Variants in GRIK4 observed in about 807,000 individuals in gnomAD.
GRIK4 encodes glutamate receptor ionotropic, kainate 4.
Under a neutral mutation model 104.9 loss-of-function variants are expected in GRIK4, and 40 were observed. The observed-to-expected ratio is 0.38, with a 90% CI of 0.30 to 0.50. The LOEUF (loss-of-function observed/expected upper bound fraction) is 0.50, where lower values mean the gene tolerates loss of function less well. Among genes scored for constraint, GRIK4 ranks in the 20% least tolerant of loss-of-function variants. The pLI is 0.93. For synonymous variants in GRIK4, 485 were observed against 524.9 expected, an observed-to-expected ratio of 0.92 and a Z score of 1.04; for missense variants, 1,047 against 1,308.1, an observed-to-expected ratio of 0.80 and a Z score of 3.08.
intron 14 of GRIK4, among the ~76,000 whole-genome samples, chr11:120,950,046 A>G (rs1240669298): frequency 6.6e-6 from 1 of 152,230 alleles, no homozygotes; most frequent in African/African-American, 2.4e-5. Flanking sequence ...TTGGGAAGAA[A>G]GTGATCTAAA....
chr11:120,643,949 C>A (rs77413760), intron 1 of GRIK4, among the ~76,000 whole-genome samples: 7,298 of 151,494 alleles, frequency 0.048, 504 homozygotes, highest in African/African-American at 0.16. Context: ...AGTAATTATC[C>A]AGTCTAACAA....
At position 120,967,457 on chromosome 11, in the gene GRIK4, A is replaced by G; in HGVS notation, c.2395+134A>G. The G allele has an allele frequency of 1.1e-6, 1 of 906,196 alleles. No homozygotes were observed. The allele number at this position is 906,196 out of a possible 1,614,324, so 56.1% of individuals were successfully genotyped here. On this transcript the variant is annotated intron_variant, in intron 19 of 20. Coordinates refer to ENST00000527524, the MANE Select transcript of GRIK4 (RefSeq NM_014619.5). The surrounding 1 kb of genome is among the most constrained non-coding windows in gnomAD (Gnocchi z 4.2). ...GGCCTTGGAAGGAACCTAGGTATAA[A>G]GTGGGCTGGCGGGGGATCAGGTCTG...
chr11:120,906,509 C>T lies in GRIK4; in HGVS notation c.1476+1016C>T, dbSNP rs541930563. On this transcript the variant is annotated intron_variant, in intron 13 of 20. Transcript: ENST00000527524. ...AGCCCAGAAAGCTTGAGTGACTTGT[C>T]GGGAGCTATACTGTTAGCATGAGGC... Among the ~76,000 whole-genome samples, 6 of 152,316 alleles carry T rather than the reference C, an allele frequency of 3.9e-5. No individual in the cohort carries two copies. The South Asian group carries it at 1.0e-3, about 26-fold the overall frequency.
intron 1 of GRIK4, among the ~76,000 whole-genome samples, chr11:120,530,191 A>G (rs1261043033): frequency 6.6e-6 from 1 of 152,266 alleles, no homozygotes; most frequent in Non-Finnish European, 1.5e-5. Context: ...TGTAGGGCTA[A>G]TTCAAGTGCA....
At chr11:120,825,711 A>G (rs995423811) in intron 6 of GRIK4, among the ~76,000 whole-genome samples, 6 of 152,240 alleles carry the variant, frequency 3.9e-5, no homozygotes, top group Non-Finnish European at 8.8e-5. Flanking sequence ...TGTGACACGG[A>G]GCAGGTCAAT....
chr11:120,688,492 A>C (rs1950307891), intron 3 of GRIK4, among the ~76,000 whole-genome samples: 1 of 152,158 alleles, frequency 6.6e-6, no homozygotes, highest in Non-Finnish European at 1.5e-5. Context: ...AGGGAAATGG[A>C]TGGGAGTGTA....
intron 3 of GRIK4, among the ~76,000 whole-genome samples, chr11:120,798,912 G>A (rs1421059573): frequency 1.3e-5 from 2 of 152,128 alleles, no homozygotes; most frequent in Non-Finnish European, 2.9e-5. Context: ...TATGAATTTG[G>A]TGGGACCTGC....
chr11:120,552,028 ATAAG>A (rs768681816), intron 1 of GRIK4, among the ~76,000 whole-genome samples: 7 of 152,214 alleles, frequency 4.6e-5, no homozygotes, highest in East Asian at 3.9e-4. Flanking sequence ...AACTGTAAAC[ATAAG>A]TAAGTGTTTC....
chr11:120,615,457 C>T (rs1362588252), intron 1 of GRIK4, among the ~76,000 whole-genome samples: 1 of 152,230 alleles, frequency 6.6e-6, no homozygotes, highest in Non-Finnish European at 1.5e-5. Flanking sequence ...TGGATGGAAG[C>T]TGCCTTTAAG....
At chr11:120,563,813 C>T (rs1459842378) in intron 1 of GRIK4, among the ~76,000 whole-genome samples, 1 of 152,242 alleles carries the variant, frequency 6.6e-6, no homozygotes, top group East Asian at 1.9e-4. Flanking sequence ...GAATCTCCAC[C>T]TGCTGTTTCA....
rs527265685 is a variant in GRIK4 at position 120,704,736 on chromosome 11, T to G, written c.82+44336T>G. Reference sequence around the variant, plus strand: ...TATTGTACAACATAACTCTGCAAACTTTTTTTTTTTTTTGTAAAGGACCAA... The same window carrying G: ...TATTGTACAACATAACTCTGCAAACGTTTTTTTTTTTTTGTAAAGGACCAA... On this transcript the variant is annotated intron_variant, in intron 3 of 20. Coordinates refer to ENST00000527524, the MANE Select transcript of GRIK4 (RefSeq NM_014619.5). 1.4e-4 allele frequency among the ~76,000 whole-genome samples: 19 copies of G among 136,994 alleles called. 1 individual carries two copies. In the South Asian group the frequency reaches 4.3e-3, roughly 31 times the overall value. 89.9% of individuals were successfully genotyped at this position (136,994 alleles called of 152,430 possible).
rs1453723869 is a variant in GRIK4, at chr11:120,530,374, G to A, written c.-159+18487G>A. 4.6e-5 allele frequency among the ~76,000 whole-genome samples: 7 copies of A among 152,246 alleles called. No individual in the cohort carries two copies. In the East Asian group the frequency reaches 1.3e-3, roughly 29 times the overall value. ...AGCTATTGCAGGCTCTAGAAGATGG[G>A]TCCTTGCTGGGGTGTGGGTGGGGGT... is the stretch of plus-strand genomic sequence containing the variant. On this transcript the variant is annotated intron_variant, in intron 1 of 20. Coordinates refer to ENST00000527524, the MANE Select transcript of GRIK4 (RefSeq NM_014619.5).
chr11:120,658,046 A>C (rs1395629295), intron 2 of GRIK4, among the ~76,000 whole-genome samples: 3 of 152,164 alleles, frequency 2.0e-5, no homozygotes, highest in African/African-American at 4.8e-5. Context: ...TTTACACTTT[A>C]TATAGACAGA....
intron 3 of GRIK4, among the ~76,000 whole-genome samples, chr11:120,703,091 A>G (rs1334108416): frequency 6.6e-6 from 1 of 152,224 alleles, no homozygotes; most frequent in Non-Finnish European, 1.5e-5. Flanking sequence ...AATGTTCTGT[A>G]TCTGCTTTGT....
chr11:120,716,305 C>G (rs777400298), intron 3 of GRIK4, among the ~76,000 whole-genome samples: 8 of 152,114 alleles, frequency 5.3e-5, no homozygotes, highest in Non-Finnish European at 1.0e-4. Context: ...GTGCAGTGGC[C>G]TGATCTCAGC....
intron 1 of GRIK4, among the ~76,000 whole-genome samples, chr11:120,651,150 A>G (rs1359967350): frequency 6.6e-6 from 1 of 152,186 alleles, no homozygotes; most frequent in East Asian, 1.9e-4. Flanking sequence ...CCTATTGGGG[A>G]AAGATGAGGA....
chr11:120,692,048 C>T (rs1950373830), intron 3 of GRIK4, among the ~76,000 whole-genome samples: 3 of 152,228 alleles, frequency 2.0e-5, no homozygotes, highest in Admixed American at 6.5e-5. Context: ...GGTGATGTCC[C>T]TTCCATCTCT....
chr11:120,876,154 ACCACCATCATCATCACCACCC>A (rs1176191393), intron 11 of GRIK4, among the ~76,000 whole-genome samples: 62 of 150,140 alleles, frequency 4.1e-4, no homozygotes, highest in African/African-American at 1.4e-3. Context: ...CATCACCACC[ACCACCATCATCATCACCACCC>A]CCACCATCAT....
At chr11:120,725,758 T>A (rs926875555) in intron 3 of GRIK4, among the ~76,000 whole-genome samples, 1 of 151,782 alleles carries the variant, frequency 6.6e-6, no homozygotes, top group South Asian at 2.1e-4. Context: ...AAAAAAAAAA[T>A]CTATGGAACT....
Sources: allele counts gnomAD v4.1 joint callset (sites outside exome capture counted in the v4.1 genomes callset), GRCh38; gene constraint gnomAD v4.1.1; non-coding constraint Gnocchi (gnomAD v3.1); transcripts MANE v1.5; gene names NCBI Gene and HGNC (gene_info 2026-07-23, HGNC 2026-07-21).